The following PCDHGA2 variants were observed in gnomAD, a reference collection of about 807,000 sequenced individuals.
The protein encoded by PCDHGA2 is protocadherin gamma subfamily A, 2, also known as protocadherin gamma-A2.
Under a neutral mutation model 59.2 loss-of-function variants are expected in PCDHGA2, and 40 were observed. The ratio of observed to expected loss-of-function variants is 0.68; its 90% CI spans 0.52 to 0.88. PCDHGA2 has a LOEUF of 0.88. Ranked by LOEUF, PCDHGA2 falls within the 40% of genes least tolerant of loss-of-function variation. The pLI is 0.00. For synonymous variants in PCDHGA2, 560 were observed against 526.0 expected (o/e 1.06, Z -0.89); for missense variants, 1,226 against 1,204.0 (o/e 1.02, Z -0.27).
intron 1 of PCDHGA2, chr5:141,357,522 C>T (rs773992774): frequency 2.5e-6 from 4 of 1,614,230 alleles, no homozygotes; most frequent in South Asian, 1.1e-5. Flanking sequence ...CCCAACCCAG[C>T]TATGCAGACA....
At chr5:141,415,740 G>GTTTTTTTTTTTTTTTTT (rs57426385) in intron 1 of PCDHGA2, 21 of 625,042 alleles carry the variant, frequency 3.4e-5, no homozygotes, top group African/African-American at 7.5e-5. Flanking sequence ...GTTTATTAAG[G>GTTTTTTTTTTTTTTTTT]TTTTTTTTTT....
intron 1 of PCDHGA2, chr5:141,400,610 T>C (rs1561677991): frequency 3.2e-6 from 5 of 1,573,090 alleles, no homozygotes; most frequent in Non-Finnish European, 4.4e-6. Flanking sequence ...TCAAGTCCAA[T>C]GAGTTGTCTT....
rs754836894 is a variant in PCDHGA2, at chr5:141,432,969, C to A, written c.2425-61838C>A. 6.2e-7 allele frequency: 1 copy of A among 1,614,148 alleles called. No individual in the cohort carries two copies. Among genetic ancestry groups the A allele is most frequent in the East Asian group, 2.2e-5 (1 of 44,852 alleles). ...GGAGGCGGCTTGACAGGAGCGCCGG[C>A]GTCGCACTTTGTGGGCGTGGACGGG... is the stretch of plus-strand genomic sequence containing the variant. On this transcript the variant is annotated intron_variant, in intron 1 of 3. Coordinates refer to ENST00000394576, the MANE Select transcript of PCDHGA2 (RefSeq NM_018915.4). This position sits in a 1 kb window ranked among gnomAD's most constrained non-coding sequence, Gnocchi z 6.0.
Position 141,393,770 on chromosome 5 carries a change from A to G in PCDHGA2, c.2424+52375A>G, listed in dbSNP as rs372280460. 83 of 1,613,864 alleles carry G rather than the reference A, an allele frequency of 5.1e-5. 1 individual carries two copies. Among genetic ancestry groups the G allele is most frequent in the Middle Eastern group, 1.6e-4 (1 of 6,084 alleles). On this transcript the variant is annotated intron_variant, in intron 1 of 3. Transcript: ENST00000394576. ...AATGTTCATTTTATGAAATGGAAAT[A>G]CAAGCCGAAGATGTGGGGGCACTTC... is the stretch of plus-strand genomic sequence containing the variant.
chr5:141,433,401 A>ATCTATCTATCTATCTC (rs1444244130), intron 1 of PCDHGA2, among the ~76,000 whole-genome samples: 1 of 150,482 alleles, frequency 6.6e-6, no homozygotes, highest in African/African-American at 2.4e-5. Context: ...CTATCTATCT[A>ATCTATCTATCTATCTC]TCTATTACTT....
In PCDHGA2 at chr5:141,352,730, C is replaced by G. The variant is rs925966366; in HGVS notation, c.2424+11335C>G. 7.9e-6 allele frequency: 12 copies of G among 1,518,298 alleles called. No homozygotes were observed. The Admixed American group carries it at 1.2e-4, about 15-fold the overall frequency. 94.1% of individuals were successfully genotyped at this position (1,518,298 alleles called of 1,614,324 possible). A position where few individuals can be genotyped will look rare whatever the true frequency, so the allele number is the denominator to read the frequency against. Reference sequence around the variant, plus strand: ...GGCGGCCGGGCGCGGTGGCTCAAGCCTGTAATCCCAGCACTTAACCAGGCT... The same window carrying G: ...GGCGGCCGGGCGCGGTGGCTCAAGCGTGTAATCCCAGCACTTAACCAGGCT... On this transcript the variant is annotated intron_variant, in intron 1 of 3. Coordinates refer to ENST00000394576, the MANE Select transcript of PCDHGA2 (RefSeq NM_018915.4).
At position 141,485,576 on chromosome 5, in the gene PCDHGA2, C is replaced by A; in HGVS notation, c.2425-9231C>A. 1 of 1,612,412 alleles carries A rather than the reference C, an allele frequency of 6.2e-7. No individual in the cohort carries two copies. The highest frequency in any genetic ancestry group is 8.5e-7 in the Non-Finnish European group (1 of 1,178,628). On this transcript the variant is annotated intron_variant, in intron 1 of 3. Transcript: ENST00000394576. The surrounding 1 kb of genome is among the most constrained non-coding windows in gnomAD (Gnocchi z 5.7). ...GAATGATCACGCCCCCCGTTTTCCGCGGCAGCAGCTGGACTTGGAAATTGG... is the reference window on the plus strand; with the variant it reads ...GAATGATCACGCCCCCCGTTTTCCGAGGCAGCAGCTGGACTTGGAAATTGG...
At chr5:141,433,211 T>TC in intron 1 of PCDHGA2, 1 of 1,568,160 alleles carries the variant, frequency 6.4e-7, no homozygotes, top group Non-Finnish European at 8.6e-7. Context: ...CTTCTTTCTT[T>TC]TTTTTTTTTA....
intron 1 of PCDHGA2, chr5:141,387,654 G>A: frequency 1.6e-6 from 1 of 644,700 alleles, no homozygotes. Context: ...AAAGTGGAGA[G>A]CTTGGCGCTC....
rs947567666 is a variant in PCDHGA2, at chr5:141,422,270, T to C, written c.2425-72537T>C. ...GATGTGAATGATAACGCTCCAGAAA[T>C]AACTATCACCTCTTCTATTAATTCA... On this transcript the variant is annotated intron_variant, in intron 1 of 3. Transcript: ENST00000394576. 2.6e-6 allele frequency: 4 copies of C among 1,562,452 alleles called. No homozygotes were observed. The East Asian group carries it at 9.0e-5, about 35-fold the overall frequency.
rs182404532 is a variant in PCDHGA2 at position 141,384,827 on chromosome 5, T to G, written c.2424+43432T>G. ...AGAGATGCCCTCAAGCAGAGCCTCGTGGTGGCCGTCCAGGACCACGGTCAG... is the reference window on the plus strand; with the variant it reads ...AGAGATGCCCTCAAGCAGAGCCTCGGGGTGGCCGTCCAGGACCACGGTCAG... On this transcript the variant is annotated intron_variant, in intron 1 of 3. Coordinates refer to ENST00000394576, the MANE Select transcript of PCDHGA2 (RefSeq NM_018915.4). 8,704 of 1,613,474 alleles carry G rather than the reference T, an allele frequency of 5.4e-3. 36 individuals carry two copies. The highest frequency in any genetic ancestry group is 6.5e-3 in the Non-Finnish European group (7,724 of 1,179,900).
Position 141,410,368 on chromosome 5 carries a change from T to C in PCDHGA2, c.2424+68973T>C, listed in dbSNP as rs751198926. 5.6e-6 allele frequency: 9 copies of C among 1,613,956 alleles called. No homozygotes were observed. The African/African-American group carries it at 1.2e-4, about 22-fold the overall frequency. On this transcript the variant is annotated intron_variant, in intron 1 of 3. Coordinates refer to ENST00000394576, the MANE Select transcript of PCDHGA2 (RefSeq NM_018915.4). Reference sequence around the variant, plus strand: ...GCCTGCGACGCTCTCTCAGCCCTGCTACTTGGGACTGCTTCCATCCTGGTC... The same window carrying C: ...GCCTGCGACGCTCTCTCAGCCCTGCCACTTGGGACTGCTTCCATCCTGGTC...
chr5:141,352,972 G>A (rs74528428), intron 1 of PCDHGA2, among the ~76,000 whole-genome samples: 3,310 of 152,246 alleles, frequency 0.022, 54 homozygotes, highest in Non-Finnish European at 0.034. Flanking sequence ...TGGGTGATGG[G>A]AGGGAAACTG....
chr5:141,443,183 TTCTC>T (rs2098370937), intron 1 of PCDHGA2, among the ~76,000 whole-genome samples: 1 of 152,184 alleles, frequency 6.6e-6, no homozygotes, highest in Non-Finnish European at 1.5e-5. Context: ...CACTGCATCA[TTCTC>T]TATAGTACAA....
chr5:141,364,963 C>T (rs1763641490), intron 1 of PCDHGA2: 1 of 1,613,822 alleles, frequency 6.2e-7, no homozygotes, highest in Admixed American at 1.7e-5. Context: ...ACGACCTCCT[C>T]CTCACAGCTT....
At chr5:141,357,770 T>C in intron 1 of PCDHGA2, 1 of 952,176 alleles carries the variant, frequency 1.1e-6, no homozygotes, top group Non-Finnish European at 1.5e-6. Context: ...GACCTTCCAA[T>C]AATGATCAAC....
intron 1 of PCDHGA2, chr5:141,414,391 T>TG (rs1367379916): frequency 6.2e-7 from 1 of 1,613,862 alleles, no homozygotes; most frequent in South Asian, 1.1e-5. Flanking sequence ...TGACAGTTAT[T>TG]ACAGATTGGT....
chr5:141,387,122 A>G (rs960154825), intron 1 of PCDHGA2, among the ~76,000 whole-genome samples: 24 of 152,234 alleles, frequency 1.6e-4, no homozygotes, highest in African/African-American at 5.5e-4. Flanking sequence ...CTGTAATGAA[A>G]TCACTGAAAC....
intron 1 of PCDHGA2, chr5:141,370,272 A>G: frequency 1.3e-6 from 1 of 794,346 alleles, no homozygotes; most frequent in Non-Finnish European, 1.9e-6. Context: ...TGCAGCGGAG[A>G]CACCCATTAG....
Sources: allele counts gnomAD v4.1 joint callset (sites outside exome capture counted in the v4.1 genomes callset), GRCh38; gene constraint gnomAD v4.1.1; non-coding constraint Gnocchi (gnomAD v3.1); transcripts MANE v1.5; gene names NCBI Gene and HGNC (gene_info 2026-07-23, HGNC 2026-07-21).